Variants in FANCE observed in about 807,000 individuals in gnomAD.
FANCE encodes Fanconi anemia group E protein.
A neutral mutation model predicts 57.8 loss-of-function variants in FANCE; 42 were observed. The ratio of observed to expected loss-of-function variants is 0.73; its 90% CI spans 0.57 to 0.94. FANCE has a LOEUF of 0.94. Ranked by LOEUF, FANCE falls within the 40% of genes least tolerant of loss-of-function variation. FANCE has a pLI of 0.00. For missense variants in FANCE, 608 were observed against 661.8 expected (o/e 0.92, Z 0.89); for synonymous variants, 251 against 286.4 (o/e 0.88, Z 1.25).
Position 35,458,452 on chromosome 6 carries a change from G to T in FANCE, c.1113+12G>T. 6.2e-7 allele frequency: 1 copy of T among 1,613,918 alleles called. No homozygotes were observed. Among genetic ancestry groups the T allele is most frequent in the Non-Finnish European group, 8.5e-7 (1 of 1,179,936 alleles). ...TCTTTCTTGGACGGGTAGGTGTATT[G>T]GGAGGTACTCAGAGTGCCAAGGACA... On this transcript the variant is annotated intron_variant, in intron 5 of 9. Coordinates refer to ENST00000229769, the MANE Select transcript of FANCE (RefSeq NM_021922.3).
At chr6:35,454,700 T>G (rs1266319790) in intron 1 of FANCE, among the ~76,000 whole-genome samples, 1 of 152,248 alleles carries the variant, frequency 6.6e-6, no homozygotes, top group Non-Finnish European at 1.5e-5. Context: ...GACAGAGCAT[T>G]GGTTCTGCTT....
At chr6:35,465,153 G>A (rs1039357025) in intron 9 of FANCE, among the ~76,000 whole-genome samples, 2 of 152,112 alleles carry the variant, frequency 1.3e-5, no homozygotes, top group Admixed American at 6.6e-5. Context: ...ACGTCATGGT[G>A]AGGAGCTGTA....
At chr6:35,460,718 T>C in intron 8 of FANCE, 100 bp downstream of exon 8, 1 of 1,088,618 alleles carries the variant, frequency 9.2e-7, no homozygotes, top group Non-Finnish European at 1.4e-6. Context: ...GCATGGAGGG[T>C]CAAGCAGGAC....
rs16876572 is a variant in FANCE, at chr6:35,466,496, A to G, written c.*151A>G. 23,552 of 689,334 alleles carry G rather than the reference A, an allele frequency of 0.034. 636 individuals are homozygous for G. The highest frequency in any genetic ancestry group is 0.12 in the African/African-American group (6,729 of 56,706). 42.7% of individuals were successfully genotyped at this position (689,334 alleles called of 1,614,324 possible). ...CAACTGCCTCCCTGTTACAGGCTGC[A>G]TAGGGAATATTGGCTTCCCAGCCAG... On this transcript the variant is annotated 3_prime_UTR_variant, in exon 10 of 10. Transcript: ENST00000229769.
chr6:35,466,483 T>A lies in FANCE; in HGVS notation c.*138T>A. 1.4e-6 allele frequency: 1 copy of A among 712,452 alleles called. No homozygotes were observed. Among genetic ancestry groups the A allele is most frequent in the Non-Finnish European group, 2.6e-6 (1 of 387,926 alleles). 44.1% of individuals were successfully genotyped at this position (712,452 alleles called of 1,614,324 possible). On this transcript the variant is annotated 3_prime_UTR_variant, in exon 10 of 10. Transcript: ENST00000229769. ...CCATCCCAGATTGCAACTGCCTCCCTGTTACAGGCTGCATAGGGAATATTG... is the reference window on the plus strand; with the variant it reads ...CCATCCCAGATTGCAACTGCCTCCCAGTTACAGGCTGCATAGGGAATATTG...
intron 1 of FANCE, among the ~76,000 whole-genome samples, chr6:35,454,568 AGGTCACGTAGGATCT>A (rs1335032187): frequency 6.6e-6 from 1 of 152,196 alleles, no homozygotes; most frequent in Non-Finnish European, 1.5e-5. Flanking sequence ...ACCACGCCTC[AGGTCACGTAGGATCT>A]GGGTTTGTGC....
chr6:35,466,255 C>T lies in FANCE; in HGVS notation c.1521C>T (p.Thr507=), dbSNP rs1173537141. 2 of 1,611,400 alleles carry T rather than the reference C, an allele frequency of 1.2e-6. No individual in the cohort carries two copies. The highest frequency in any genetic ancestry group is 2.2e-5 in the East Asian group (1 of 44,890). Residue 507 remains threonine, a synonymous_variant, in exon 10 of 10, where the codon ACC becomes ACT. Coordinates refer to ENST00000229769, the MANE Select transcript of FANCE (RefSeq NM_021922.3). ...TTCCTTCTCCCCAGATCACTGAGAC[C>T]CAGAGGCTGGGCCTGGCTATGGCCC... ...MTKYQANITE[T]QRLGLAMALE...
intron 1 of FANCE, among the ~76,000 whole-genome samples, chr6:35,454,518 C>T (rs901344125): frequency 2.0e-5 from 3 of 152,216 alleles, no homozygotes; most frequent in South Asian, 2.1e-4. Flanking sequence ...GGAGTAGAGA[C>T]GTGAGGGGTG....
In FANCE at chr6:35,466,315, G is replaced by A. The variant is rs757384407; in HGVS notation, c.1581G>A (p.Leu527=). 4 of 1,613,802 alleles carry A rather than the reference G, an allele frequency of 2.5e-6. No individual in the cohort carries two copies. Among genetic ancestry groups the A allele is most frequent in the Non-Finnish European group, 2.5e-6 (3 of 1,179,788 alleles). The change falls in exon 10 of 10, where the codon CTG becomes CTA. Residue 527 remains leucine (L), a synonymous_variant. Coordinates refer to ENST00000229769, the MANE Select transcript of FANCE (RefSeq NM_021922.3). Reference sequence around the variant, plus strand: ...ACACCACCTTCCTGAGGAAGTCCCTGAAGGCCGCCTTGAAACATTTGGGCC... The same window carrying A: ...ACACCACCTTCCTGAGGAAGTCCCTAAAGGCCGCCTTGAAACATTTGGGCC... ...EPNTTFLRKS[L]KAALKHLGP
chr6:35,453,338 A>G (rs1434545325), intron 1 of FANCE, among the ~76,000 whole-genome samples: 1 of 152,118 alleles, frequency 6.6e-6, no homozygotes, highest in African/African-American at 2.4e-5. Flanking sequence ...TCTGTGGCTG[A>G]CGAAGGATTC....
intron 1 of FANCE, among the ~76,000 whole-genome samples, chr6:35,455,107 T>TA (rs1767272723): frequency 6.6e-6 from 1 of 152,264 alleles, no homozygotes; most frequent in Non-Finnish European, 1.5e-5. Flanking sequence ...GTATTATTTT[T>TA]ACCTAAAATT....
chr6:35,457,796 C>T (rs954636310), intron 3 of FANCE, 120 bp from the exon 4 acceptor site: 1 of 1,062,872 alleles, frequency 9.4e-7, no homozygotes, highest in African/African-American at 1.5e-5. Flanking sequence ...CAGGTAACTT[C>T]CTCTTCTCTG....
chr6:35,455,941 C>T lies in FANCE; in HGVS notation c.443C>T (p.Thr148Ile). 1 of 1,614,032 alleles carries T rather than the reference C, an allele frequency of 6.2e-7. No individual in the cohort carries two copies. Among genetic ancestry groups the T allele is most frequent in the Non-Finnish European group, 8.5e-7 (1 of 1,180,000 alleles). ...CTGCGAAGGGATTTGGGGGTGGGGA[C>T]CTCCATGGAGGGAGCTTCTCCACTG... ...ELLRRDLGVG[T>I]SMEGASPLSE... The change falls in exon 2 of 10, where the codon ACC (threonine) becomes ATC (isoleucine). Residue 148 changes from threonine (T) to isoleucine (I), a missense_variant. Coordinates refer to ENST00000229769, the MANE Select transcript of FANCE (RefSeq NM_021922.3).
intron 8 of FANCE, 57 bp from the exon 9 acceptor site, chr6:35,462,732 T>C (rs1245488028): frequency 6.2e-7 from 1 of 1,611,888 alleles, no homozygotes; most frequent in African/African-American, 1.3e-5. Context: ...CAGGACTGGC[T>C]GAATGAAGAG....
Position 35,452,529 on chromosome 6 carries a change from G to A in FANCE, c.-17G>A. On this transcript the variant is annotated 5_prime_UTR_variant, in exon 1 of 10. Coordinates refer to ENST00000229769, the MANE Select transcript of FANCE (RefSeq NM_021922.3). ...CCCACACCAGAGTAGGGGGCGGCGC[G>A]GCACCCGTGCCCCGGCATGGCGACA... The A allele has an allele frequency of 7.8e-7, 1 of 1,290,018 alleles. No individual in the cohort carries two copies. Among genetic ancestry groups the A allele is most frequent in the Non-Finnish European group, 9.8e-7 (1 of 1,016,432 alleles). The allele number at this position is 1,290,018 out of a possible 1,614,324, so 79.9% of individuals were successfully genotyped here.
At position 35,466,544 on chromosome 6, in the gene FANCE, G is replaced by C. The variant is rs919222520; in HGVS notation, c.*199G>C. On this transcript the variant is annotated 3_prime_UTR_variant, in exon 10 of 10. Transcript: ENST00000229769. ...CAGCAGGGAGGCTCCTGGGCTAAGGGAGCTCAGCTATATTTTCTTTTTCAT... is the reference window on the plus strand; with the variant it reads ...CAGCAGGGAGGCTCCTGGGCTAAGGCAGCTCAGCTATATTTTCTTTTTCAT... 17 of 600,728 alleles carry C rather than the reference G, an allele frequency of 2.8e-5. No individual in the cohort carries two copies. The highest frequency in any genetic ancestry group is 5.1e-5 in the Non-Finnish European group (17 of 336,584). 37.2% of individuals were successfully genotyped at this position (600,728 alleles called of 1,614,324 possible).
At chr6:35,460,306 G>A (rs1767535064) in intron 7 of FANCE, among the ~76,000 whole-genome samples, 1 of 152,158 alleles carries the variant, frequency 6.6e-6, no homozygotes, top group South Asian at 2.1e-4. Flanking sequence ...AGTAGAGACG[G>A]GATTTCACCA....
Position 35,456,910 on chromosome 6 carries a change from A to G in FANCE, c.855+557A>G, listed in dbSNP as rs1767365454. 6.6e-6 allele frequency among the ~76,000 whole-genome samples: 1 copy of G among 152,136 alleles called. No individual in the cohort carries two copies. Among genetic ancestry groups the G allele is most frequent in the African/African-American group, 2.4e-5 (1 of 41,432 alleles). On this transcript the variant is annotated intron_variant, in intron 2 of 9. Transcript: ENST00000229769. This position sits in a 1 kb window ranked among gnomAD's most constrained non-coding sequence, Gnocchi z 4.3. ...ATGTGGGGTTAAAGGGTGCCAGGCAAGGGAGAGGCTCTGGAGCCACCCCTG... is the reference window on the plus strand; with the variant it reads ...ATGTGGGGTTAAAGGGTGCCAGGCAGGGGAGAGGCTCTGGAGCCACCCCTG...
chr6:35,465,256 C>T (rs113073388), intron 9 of FANCE, among the ~76,000 whole-genome samples: 1 of 152,022 alleles, frequency 6.6e-6, no homozygotes, highest in Non-Finnish European at 1.5e-5. Flanking sequence ...TCACTGCAAC[C>T]TCCGCCTCCT....
Sources: allele counts gnomAD v4.1 joint callset (sites outside exome capture counted in the v4.1 genomes callset), GRCh38; gene constraint gnomAD v4.1.1; non-coding constraint Gnocchi (gnomAD v3.1); transcripts MANE v1.5; gene names NCBI Gene and HGNC (gene_info 2026-07-23, HGNC 2026-07-21).